Variants in RTF2 observed in about 807,000 individuals in gnomAD.
The protein encoded by RTF2 is replication termination factor 2.
A neutral mutation model predicts 38.0 loss-of-function variants in RTF2; 18 were observed. The ratio of observed to expected loss-of-function variants is 0.47; its 90% CI spans 0.33 to 0.70. The LOEUF is 0.70. RTF2 is among the 30% of genes least tolerant of loss of function. RTF2 has a pLI of 0.02. For synonymous variants in RTF2, 126 were observed against 137.1 expected (o/e 0.92, Z 0.57); for missense variants, 311 against 379.6 (o/e 0.82, Z 1.50).
At chr20:56,512,336 A>G (rs956053097) in intron 5 of RTF2, among the ~76,000 whole-genome samples, 1 of 151,996 alleles carries the variant, frequency 6.6e-6, no homozygotes, top group Non-Finnish European at 1.5e-5. Flanking sequence ...TGTGCTAGGC[A>G]CTGGGTAGCT....
chr20:56,500,328 A>G (rs1386758883), intron 5 of RTF2, among the ~76,000 whole-genome samples: 1 of 152,228 alleles, frequency 6.6e-6, no homozygotes, highest in Non-Finnish European at 1.5e-5. Flanking sequence ...TGTTGGGATT[A>G]CAGGCGTGAG....
rs780520208 is a variant in RTF2, at chr20:56,518,255, A to G, written c.911A>G (p.Tyr304Cys). Reference protein sequence around the residue: ...ESAHWVTHTSYCF With the variant: ...ESAHWVTHTSCCF ...GCCCACTGGGTCACCCACACGTCCTACTGCTTCTGAAGCCCGCACTGCCAC... is the reference window on the plus strand; with the variant it reads ...GCCCACTGGGTCACCCACACGTCCTGCTGCTTCTGAAGCCCGCACTGCCAC... The change falls in exon 9 of 9, where the codon TAC becomes TGC. Residue 304 changes from tyrosine (Y) to cysteine (C), a missense_variant. Physicochemically the swap from Tyr to Cys is radical, Grantham distance 194 (BLOSUM62 -2). Coordinates refer to ENST00000357348, the MANE Select transcript of RTF2 (RefSeq NM_016407.5). 5 of 1,611,604 alleles carry G rather than the reference A, an allele frequency of 3.1e-6. No homozygotes were observed. The highest frequency in any genetic ancestry group is 2.7e-5 in the African/African-American group (2 of 74,734).
chr20:56,478,059 G>A (rs1600797094), intron 4 of RTF2, among the ~76,000 whole-genome samples: 4 of 152,202 alleles, frequency 2.6e-5, no homozygotes, highest in East Asian at 1.9e-4. Context: ...AAGCAAAAGC[G>A]TTAAGCCCTT....
Position 56,517,315 on chromosome 20 carries a change from T to C in RTF2, c.742+114T>C, listed in dbSNP as rs541155814. On this transcript the variant is annotated intron_variant, in intron 8 of 8. Transcript: ENST00000357348. ...GGAAGCCCAAGCCTGTCCTATGTCATGTCTCTAGAGAGTGCACTGAACTCT... is the reference window on the plus strand; with the variant it reads ...GGAAGCCCAAGCCTGTCCTATGTCACGTCTCTAGAGAGTGCACTGAACTCT... The C allele has an allele frequency of 5.1e-4, 406 of 792,136 alleles. 6 individuals carry two copies. In the African/African-American group the frequency reaches 6.2e-3, roughly 12 times the overall value. 49.1% of individuals were successfully genotyped at this position (792,136 alleles called of 1,614,324 possible).
intron 1 of RTF2, among the ~76,000 whole-genome samples, chr20:56,470,229 A>G (rs1981887376): frequency 6.6e-6 from 1 of 152,206 alleles, no homozygotes; most frequent in South Asian, 2.1e-4. Flanking sequence ...TTTGGCTTTC[A>G]CCAAAAAAGT....
chr20:56,497,183 A>G (rs925659623), intron 5 of RTF2: 1 of 1,551,480 alleles, frequency 6.4e-7, no homozygotes, highest in Non-Finnish European at 8.7e-7. Flanking sequence ...CCTTTTCATC[A>G]ACATGAATAC....
chr20:56,482,643 A>G (rs913649490), intron 4 of RTF2, among the ~76,000 whole-genome samples: 38 of 152,270 alleles, frequency 2.5e-4, no homozygotes, highest in African/African-American at 8.7e-4. Flanking sequence ...GTAAGTATCT[A>G]TAAAATAGGA....
At chr20:56,484,843 CG>C (rs1320038499) in intron 5 of RTF2, among the ~76,000 whole-genome samples, 3 of 152,150 alleles carry the variant, frequency 2.0e-5, no homozygotes, top group Non-Finnish European at 2.9e-5. Flanking sequence ...CCATCGAAAG[CG>C]TGCTGCTTCA....
chr20:56,518,159 G>T lies in RTF2; in HGVS notation c.815G>T (p.Ser272Ile). The T allele has an allele frequency of 6.2e-7, 1 of 1,614,180 alleles. No individual in the cohort carries two copies. Among genetic ancestry groups the T allele is most frequent in the Non-Finnish European group, 8.5e-7 (1 of 1,180,014 alleles). Reference protein sequence around the residue: ...CGATKRSIADSEESEAYKSLF... With the variant: ...CGATKRSIADIEESEAYKSLF... Reference sequence around the variant, plus strand: ...GCCACAAAGAGGTCCATCGCTGACAGTGAAGAATCGGAGGCCTACAAGTCC... The same window carrying T: ...GCCACAAAGAGGTCCATCGCTGACATTGAAGAATCGGAGGCCTACAAGTCC... Residue 272 changes from serine to isoleucine, a missense_variant, in exon 9 of 9, where the codon AGT becomes ATT. Physicochemically the swap from Ser to Ile is moderately radical, Grantham distance 142. Coordinates refer to ENST00000357348, the MANE Select transcript of RTF2 (RefSeq NM_016407.5).
chr20:56,509,657 G>A (rs1463841094), intron 5 of RTF2, among the ~76,000 whole-genome samples: 1 of 151,814 alleles, frequency 6.6e-6, no homozygotes, highest in Admixed American at 6.6e-5. Context: ...TGGGAAGGAT[G>A]TGGAGAAATG....
At chr20:56,513,582 T>C (rs1306768951) in intron 6 of RTF2, among the ~76,000 whole-genome samples, 154 bp downstream of exon 6, 3 of 152,188 alleles carry the variant, frequency 2.0e-5, no homozygotes, top group Non-Finnish European at 4.4e-5. Flanking sequence ...AGATTCCAGC[T>C]GAGGCCCAGG....
intron 5 of RTF2, among the ~76,000 whole-genome samples, chr20:56,499,971 T>C (rs1600819523): frequency 1.3e-5 from 2 of 151,318 alleles, no homozygotes; most frequent in South Asian, 2.1e-4. Context: ...CCTGACCTCA[T>C]GTGATCCACC....
intron 1 of RTF2, chr20:56,472,252 G>A (rs1243021159): frequency 2.3e-6 from 2 of 856,858 alleles, no homozygotes; most frequent in African/African-American, 3.4e-5. Context: ...AATTCAGCAG[G>A]ATTGTTTTTG....
chr20:56,477,201 C>T, intron 4 of RTF2, 77 bp downstream of exon 4: 1 of 1,548,762 alleles, frequency 6.5e-7, no homozygotes, highest in East Asian at 2.3e-5. Context: ...GGTGCCGGAG[C>T]TTAGCAGTCA....
intron 5 of RTF2, among the ~76,000 whole-genome samples, chr20:56,508,042 C>T (rs925458755): frequency 2.4e-4 from 36 of 152,146 alleles, no homozygotes; most frequent in Admixed American, 3.9e-4. Flanking sequence ...AGATTGGGCA[C>T]GTGCTTCAGT....
At chr20:56,488,338 G>T (rs2146332144) in intron 5 of RTF2, among the ~76,000 whole-genome samples, 1 of 150,554 alleles carries the variant, frequency 6.6e-6, no homozygotes, top group Middle Eastern at 3.4e-3. Context: ...TCCAGCCTGG[G>T]CGACAGAGCT....
At chr20:56,473,233 A>T in intron 1 of RTF2, 68 bp from the exon 2 acceptor site, 1 of 1,127,520 alleles carries the variant, frequency 8.9e-7, no homozygotes, top group Non-Finnish European at 1.3e-6. Flanking sequence ...ATATACTTTT[A>T]TATGTAGAAT....
chr20:56,496,948 T>G (rs1303351511), intron 5 of RTF2: 1 of 1,551,468 alleles, frequency 6.4e-7, no homozygotes, highest in Non-Finnish European at 8.7e-7. Flanking sequence ...TTGCTTCTGA[T>G]GTAGTGTATG....
At chr20:56,515,597 G>GACACAC (rs1489597042) in intron 6 of RTF2, 49 of 41,844 alleles carry the variant, frequency 1.2e-3, no homozygotes, top group African/African-American at 3.5e-3. Flanking sequence ...GAGAGAGAGA[G>GACACAC]AGACACACAC....
Sources: gnomAD v4.1 joint callset for allele counts (sites outside exome capture counted in the v4.1 genomes callset) on GRCh38, gnomAD v4.1.1 for gene constraint, MANE v1.5 for transcripts, NCBI Gene and HGNC (gene_info 2026-07-23, HGNC 2026-07-21) for gene names.